The following ACYP2 variants were observed in gnomAD, a reference collection of about 807,000 sequenced individuals.
ACYP2 encodes the protein acylphosphatase-2.
A neutral mutation model predicts 11.2 loss-of-function variants in ACYP2; 12 were observed. The observed-to-expected ratio is 1.08, with a 90% CI of 0.69 to 1.74. The LOEUF is 1.74. Among genes scored for constraint, ACYP2 ranks in the 40% most tolerant of loss-of-function variants. The probability of loss-of-function intolerance (pLI) is 0.00; values close to 1 mark genes in which losing one functional copy is unlikely to be tolerated. For missense variants in ACYP2, 134 were observed against 101.9 expected (o/e 1.31, Z -1.35); for synonymous variants, 43 against 32.2 (o/e 1.33, Z -1.13).
At chr2:54,049,930 T>A (rs1477685993) in intron 2 of ACYP2, among the ~76,000 whole-genome samples, 4 of 152,192 alleles carry the variant, frequency 2.6e-5, no homozygotes, top group African/African-American at 4.8e-5. Context: ...GTTTCTTTCA[T>A]TGAAGAGTGG....
At chr2:54,007,249 G>C (rs1673120239) in intron 2 of ACYP2, among the ~76,000 whole-genome samples, 1 of 142,036 alleles carries the variant, frequency 7.0e-6, no homozygotes, top group Non-Finnish European at 1.5e-5. Flanking sequence ...TAATTTCATG[G>C]TTTTTCTTTT....
chr2:54,285,228 T>C (rs1283066078), intron 6 of ACYP2, among the ~76,000 whole-genome samples: 1 of 152,122 alleles, frequency 6.6e-6, no homozygotes, highest in African/African-American at 2.4e-5. Flanking sequence ...TAACAACACA[T>C]TAGGAATTAG....
intron 4 of ACYP2, among the ~76,000 whole-genome samples, chr2:54,102,491 C>T (rs2103704047): frequency 6.6e-6 from 1 of 151,956 alleles, no homozygotes; most frequent in South Asian, 2.1e-4. Context: ...AGGAGGGAGG[C>T]ATGGTTGCAA....
intron 2 of ACYP2, among the ~76,000 whole-genome samples, chr2:54,005,033 T>G (rs1285442584): frequency 6.6e-6 from 1 of 152,144 alleles, no homozygotes; most frequent in African/African-American, 2.4e-5. Flanking sequence ...TCTCACTCTC[T>G]GTATAGTGTC....
chr2:54,287,227 A>T (rs1002260914), intron 6 of ACYP2, among the ~76,000 whole-genome samples: 2 of 151,910 alleles, frequency 1.3e-5, no homozygotes, highest in African/African-American at 2.4e-5. Context: ...TTTCCTCCAG[A>T]GGGGGCTAAC....
At chr2:54,027,717 G>C (rs566389779) in intron 2 of ACYP2, among the ~76,000 whole-genome samples, 3 of 151,752 alleles carry the variant, frequency 2.0e-5, no homozygotes, top group Non-Finnish European at 2.9e-5. Flanking sequence ...ATACATTATT[G>C]TGAATAAAAG....
chr2:54,211,487 G>A (rs1685328368), intron 6 of ACYP2, among the ~76,000 whole-genome samples: 1 of 152,122 alleles, frequency 6.6e-6, no homozygotes, highest in Non-Finnish European at 1.5e-5. Flanking sequence ...CCATCTACTT[G>A]GTATCCTGAT....
rs142622984 is a variant in ACYP2 at position 54,071,030 on chromosome 2, G to C, written c.277+13670G>C. ...GCCTCCCAAAGTGCTGGGATTACAG[G>C]CATAAGACACTGCACCCGGCCTCAA... On this transcript the variant is annotated intron_variant, in intron 4 of 6. Transcript: ENST00000607452. 3.2e-3 allele frequency among the ~76,000 whole-genome samples: 489 copies of C among 152,212 alleles called. 4 individuals are homozygous for C. The highest frequency in any genetic ancestry group is 0.012 in the African/African-American group (480 of 41,508).
intron 6 of ACYP2, among the ~76,000 whole-genome samples, chr2:54,257,736 G>C (rs1173508573): frequency 6.6e-6 from 1 of 152,124 alleles, no homozygotes; most frequent in Non-Finnish European, 1.5e-5. Context: ...ATAAATATAA[G>C]ACAGGATGTT....
chr2:54,213,150 A>T (rs1685401781), intron 6 of ACYP2, among the ~76,000 whole-genome samples: 2 of 151,996 alleles, frequency 1.3e-5, no homozygotes, highest in Admixed American at 1.3e-4. Flanking sequence ...GTCCATGTGT[A>T]CCCAGTGTTT....
intron 2 of ACYP2, among the ~76,000 whole-genome samples, chr2:54,049,122 G>A (rs368156493): frequency 2.0e-5 from 3 of 152,122 alleles, no homozygotes; most frequent in South Asian, 2.1e-4. Flanking sequence ...TTAACCAGGC[G>A]TGGTGGTGCA....
chr2:54,032,962 A>G (rs1283745402), intron 2 of ACYP2, among the ~76,000 whole-genome samples: 1 of 152,244 alleles, frequency 6.6e-6, no homozygotes, highest in African/African-American at 2.4e-5. Flanking sequence ...CTGGAAAGAA[A>G]GAGTTCCAGG....
rs11301218 is a variant in ACYP2 at position 54,010,484 on chromosome 2, C to CA, written c.62+36688dup. ...GGGCAACAAGAGTTAAACTCTGTCT[C>CA]AAAAAAAAAAAAAAGTCATGAACCA... is the stretch of plus-strand genomic sequence containing the variant. On this transcript the variant is annotated intron_variant, in intron 2 of 6. Transcript: ENST00000607452. Among the ~76,000 whole-genome samples, 104 of 143,672 alleles carry CA rather than the reference C, an allele frequency of 7.2e-4. No individual in the cohort carries two copies. In the Middle Eastern group the frequency reaches 0.022, roughly 30 times the overall value. 94.3% of individuals were successfully genotyped at this position (143,672 alleles called of 152,430 possible).
intron 4 of ACYP2, chr2:54,065,760 A>G (rs973374272): frequency 2.8e-5 from 10 of 362,830 alleles, no homozygotes; most frequent in Non-Finnish European, 4.9e-5. Flanking sequence ...GAAACTCTAC[A>G]TTTTGCTTTC....
intron 6 of ACYP2, among the ~76,000 whole-genome samples, chr2:54,227,510 C>T (rs959898993): frequency 5.3e-5 from 8 of 151,822 alleles, no homozygotes; most frequent in Admixed American, 4.6e-4. Context: ...CATGGTGGCG[C>T]GTGCCTGTAG....
rs1222539416 is a variant in ACYP2, at chr2:54,219,881, G to GTGTGTATA, written c.404+81134_404+81135insGTGTATAT. Among the ~76,000 whole-genome samples, 389 of 99,374 alleles carry GTGTGTATA rather than the reference G, an allele frequency of 3.9e-3. 8 individuals are homozygous for GTGTGTATA. The highest frequency in any genetic ancestry group is 0.024 in the East Asian group (62 of 2,574). 65.2% of individuals were successfully genotyped at this position (99,374 alleles called of 152,430 possible). The stretch of plus-strand genomic sequence containing the variant: ...GATGTGTGTGTGTGTGTGTGTGTGT[G>GTGTGTATA]TATATATATATATATATATATATAT... On this transcript the variant is annotated intron_variant, in intron 6 of 6. Transcript: ENST00000607452.
chr2:53,985,698 G>C (rs6724389), intron 2 of ACYP2, among the ~76,000 whole-genome samples: 1 of 151,946 alleles, frequency 6.6e-6, no homozygotes, highest in Non-Finnish European at 1.5e-5. Context: ...TTAATCCTCA[G>C]TGTTGGAGTT....
chr2:54,094,410 A>G lies in ACYP2; in HGVS notation c.277+37050A>G, dbSNP rs145035914. Among the ~76,000 whole-genome samples the G allele has an allele frequency of 1.3e-3, 201 of 150,478 alleles. No individual in the cohort carries two copies. The Middle Eastern group carries it at 0.014, about 10-fold the overall frequency. ...GCCTAGCTAATTTTTTTGTATTTTT[A>G]GTAGAGACGGGGTTTCACATGTTTG... On this transcript the variant is annotated intron_variant, in intron 4 of 6. Coordinates refer to ENST00000607452, the MANE Select transcript of ACYP2 (RefSeq NM_001320586.2).
chr2:54,105,701 C>T (rs1239464531), intron 4 of ACYP2, among the ~76,000 whole-genome samples: 1 of 151,870 alleles, frequency 6.6e-6, no homozygotes, highest in African/African-American at 2.4e-5. Flanking sequence ...GCCATGTTGC[C>T]CGGGCTGGTC....
Sources: gnomAD v4.1 joint callset for allele counts (sites outside exome capture counted in the v4.1 genomes callset) on GRCh38, gnomAD v4.1.1 for gene constraint, MANE v1.5 for transcripts, NCBI Gene and HGNC (gene_info 2026-07-23, HGNC 2026-07-21) for gene names.